CD22: variants seen among roughly 807,000 people sequenced by gnomAD.
CD22 encodes B-cell receptor CD22.
Under a neutral mutation model 94.7 loss-of-function variants are expected in CD22, and 51 were observed. The ratio of observed to expected loss-of-function variants is 0.54; its 90% CI spans 0.43 to 0.68. The LOEUF is 0.68. CD22 is among the 30% of genes least tolerant of loss of function. The pLI, the probability that CD22 is intolerant of heterozygous loss-of-function variation, is 0.00. For synonymous variants in CD22, 424 were observed against 422.5 expected (o/e 1.00, Z -0.04); for missense variants, 931 against 1,060.4 (o/e 0.88, Z 1.69).
At position 35,338,335 on chromosome 19, in the gene CD22, A is replaced by G. The variant is rs142679959; in HGVS notation, c.1153A>G (p.Lys385Glu). Reference sequence around the variant, plus strand: ...GACAGAGGAGAAAGTCCACATCCCAAAGATCCTCCCCTGGCACGCTGGGAC... The same window carrying G: ...GACAGAGGAGAAAGTCCACATCCCAGAGATCCTCCCCTGGCACGCTGGGAC... ...GRTEEKVHIPKILPWHAGTYS... is the reference protein window; with the variant it reads ...GRTEEKVHIPEILPWHAGTYS... Residue 385 changes from lysine to glutamate, a missense_variant, in exon 6 of 14, where the codon AAG (lysine) becomes GAG (glutamate). Physicochemically the swap from Lys to Glu is moderately conservative, Grantham distance 56. Transcript: ENST00000085219. 171 of 1,614,206 alleles carry G rather than the reference A, an allele frequency of 1.1e-4. No individual in the cohort carries two copies. In the East Asian group the frequency reaches 3.7e-3, roughly 35 times the overall value.
chr19:35,330,144 G>A (rs1222082919), intron 1 of CD22, among the ~76,000 whole-genome samples: 1 of 152,148 alleles, frequency 6.6e-6, no homozygotes, highest in Non-Finnish European at 1.5e-5. Flanking sequence ...GGCCAACATG[G>A]TGAAACCCCA....
At position 35,346,245 on chromosome 19, in the gene CD22, G is replaced by T; in HGVS notation, c.2412+10G>T. On this transcript the variant is annotated intron_variant, in intron 13 of 13. Coordinates refer to ENST00000085219, the MANE Select transcript of CD22 (RefSeq NM_001771.4). ...GCACAAGCGCCAAGTGGTAAGGAGG[G>T]TCTCCCCAGGTCTCCCCAGAGGGGC... 6.2e-7 allele frequency: 1 copy of T among 1,602,342 alleles called. No homozygotes were observed. The highest frequency in any genetic ancestry group is 2.2e-5 in the East Asian group (1 of 44,824).
Position 35,332,037 on chromosome 19 carries a change from C to T in CD22, c.-4C>T, listed in dbSNP as rs1463183489. 3 of 1,613,770 alleles carry T rather than the reference C, an allele frequency of 1.9e-6. No homozygotes were observed. Among genetic ancestry groups the T allele is most frequent in the Non-Finnish European group, 2.5e-6 (3 of 1,179,848 alleles). On this transcript the variant is annotated 5_prime_UTR_variant, in exon 2 of 14. Transcript: ENST00000085219. The stretch of plus-strand genomic sequence containing the variant: ...TGCTCAGGCTTGCACCCAGACACGA[C>T]ACCATGCATCTCCTCGGCCCCTGGC...
chr19:35,336,611 G>C (rs568457018), intron 4 of CD22: 2 of 481,950 alleles, frequency 4.1e-6, no homozygotes, highest in African/African-American at 1.9e-5. Context: ...GATTTTTTTC[G>C]CATCATTATC....
chr19:35,333,502 T>C (rs2066675334), intron 3 of CD22, among the ~76,000 whole-genome samples: 2 of 152,218 alleles, frequency 1.3e-5, no homozygotes, highest in South Asian at 2.1e-4. Context: ...GCCTGTGTTA[T>C]AAAAATCATA....
At position 35,341,498 on chromosome 19, in the gene CD22, C is replaced by T; in HGVS notation, c.1663C>T (p.Gln555Ter). ...KNGRLLGKES[Q>*]LNFDSISPED... is the part of the protein sequence containing the mutation. Reference sequence around the variant, plus strand: ...TGGCAGGCTTCTGGGGAAAGAAAGCCAGCTGAATTTTGACTCCATCTCCCC... The same window carrying T: ...TGGCAGGCTTCTGGGGAAAGAAAGCTAGCTGAATTTTGACTCCATCTCCCC... The change falls in exon 8 of 14, where the codon CAG becomes TAG. Residue 555 changes from glutamine to a stop codon, truncating the protein, a stop_gained. Coordinates refer to ENST00000085219, the MANE Select transcript of CD22 (RefSeq NM_001771.4). LOFTEE classifies it high-confidence loss of function. The surrounding 1 kb of genome is among the most constrained non-coding windows in gnomAD (Gnocchi z 4.0). 1 of 1,614,148 alleles carries T rather than the reference C, an allele frequency of 6.2e-7. No homozygotes were observed. The highest frequency in any genetic ancestry group is 8.5e-7 in the Non-Finnish European group (1 of 1,180,010).
intron 4 of CD22, chr19:35,336,552 A>G (rs1599678120): frequency 3.6e-6 from 2 of 558,926 alleles, no homozygotes; most frequent in Admixed American, 3.3e-5. Context: ...AAGCCATGAC[A>G]TGAATTGGGG....
chr19:35,345,172 C>T (rs1166539095), intron 11 of CD22, 46 bp downstream of exon 11: 2 of 1,546,518 alleles, frequency 1.3e-6, no homozygotes, highest in East Asian at 4.5e-5. Flanking sequence ...AATCCCAGCA[C>T]TTTGGGAGGC....
At position 35,343,144 on chromosome 19, in the gene CD22, G is replaced by A. The variant is rs1346289572; in HGVS notation, c.2035+1179G>A. On this transcript the variant is annotated intron_variant, in intron 9 of 13. Coordinates refer to ENST00000085219, the MANE Select transcript of CD22 (RefSeq NM_001771.4). ...AGACAGGGTCTCACCCTGTTGCACA[G>A]GTTGGAGTGCAGTGGCACAATCTCA... Among the ~76,000 whole-genome samples, 3 of 150,516 alleles carry A rather than the reference G, an allele frequency of 2.0e-5. No homozygotes were observed. The East Asian group carries it at 5.8e-4, about 29-fold the overall frequency.
chr19:35,346,787 T>A lies in CD22; in HGVS notation c.*90T>A. 1 of 1,124,912 alleles carries A rather than the reference T, an allele frequency of 8.9e-7. No homozygotes were observed. Among genetic ancestry groups the A allele is most frequent in the Non-Finnish European group, 1.3e-6 (1 of 791,018 alleles). 69.7% of individuals were successfully genotyped at this position (1,124,912 alleles called of 1,614,324 possible). ...CAGACACCGCCACATGGCTTCCTCC[T>A]GCGCGCATGTGCGCACACACACACA... is the stretch of plus-strand genomic sequence containing the variant. On this transcript the variant is annotated 3_prime_UTR_variant, in exon 14 of 14. Transcript: ENST00000085219.
intron 3 of CD22, among the ~76,000 whole-genome samples, chr19:35,333,984 G>A (rs1437917831): frequency 6.6e-6 from 1 of 152,194 alleles, no homozygotes; most frequent in Non-Finnish European, 1.5e-5. Flanking sequence ...CAAAGGCCAG[G>A]TTTGAGCTCC....
At chr19:35,330,854 A>G (rs2066635514) in intron 1 of CD22, 1 of 152,238 alleles carries the variant, frequency 6.6e-6, no homozygotes, top group African/African-American at 2.4e-5. Flanking sequence ...AAAGAAAGAA[A>G]GATGGGCAAC....
chr19:35,341,260 G>A lies in CD22; in HGVS notation c.1508-83G>A, dbSNP rs1032426085. 6.2e-5 allele frequency: 99 copies of A among 1,594,296 alleles called. No homozygotes were observed. The highest frequency in any genetic ancestry group is 1.7e-4 in the Middle Eastern group (1 of 5,946). ...CAGAATTGAGGGACAGGAGCCTGGC[G>A]TCAGGGCCAAGGGGAGGGGAGGCCT... On this transcript the variant is annotated intron_variant, in intron 7 of 13. Transcript: ENST00000085219. The surrounding 1 kb of genome is among the most constrained non-coding windows in gnomAD (Gnocchi z 4.0).
At chr19:35,340,107 G>A (rs1395339158) in intron 6 of CD22, among the ~76,000 whole-genome samples, 2 of 152,142 alleles carry the variant, frequency 1.3e-5, no homozygotes, top group Non-Finnish European at 2.9e-5. Flanking sequence ...AACAGGACAG[G>A]GGTGCCCAAA....
chr19:35,344,183 G>A (rs913849102), intron 9 of CD22, among the ~76,000 whole-genome samples: 6 of 134,474 alleles, frequency 4.5e-5, no homozygotes, highest in East Asian at 2.5e-4. Flanking sequence ...GTGAAAGAGC[G>A]AGACTCTGTC....
rs1290418664 is a variant in CD22 at position 35,345,655 on chromosome 19, A to G, written c.2262A>G (p.Pro754=). Residue 754 remains proline, a synonymous_variant, in exon 12 of 14, where the codon CCA becomes CCG. Transcript: ENST00000085219. ...EGPHSLGCYN[P]MMEDGISYTT... ...CCCACTCCCTGGGATGCTACAATCC[A>G]ATGATGGAAGATGGCATTAGCTACA... 6 of 1,613,798 alleles carry G rather than the reference A, an allele frequency of 3.7e-6. No homozygotes were observed. The highest frequency in any genetic ancestry group is 1.7e-5 in the Admixed American group (1 of 59,992).
chr19:35,341,055 T>C lies in CD22; in HGVS notation c.1424T>C (p.Val475Ala), dbSNP rs766954871. The C allele has an allele frequency of 9.9e-6, 16 of 1,613,962 alleles. No individual in the cohort carries two copies. Among genetic ancestry groups the C allele is most frequent in the East Asian group, 2.2e-5 (1 of 44,880 alleles). ...PSLGVLKIQNVGWDNTTIACA... is the reference protein window; with the variant it reads ...PSLGVLKIQNAGWDNTTIACA... The stretch of plus-strand genomic sequence containing the variant: ...CTTGGGGTGCTGAAGATCCAAAACG[T>C]TGGCTGGGACAACACAACCATCGCC... Residue 475 changes from valine (V) to alanine (A), a missense_variant, in exon 7 of 14, where the codon GTT (valine) becomes GCT (alanine). Val to Ala is a moderately conservative substitution (Grantham distance 64, BLOSUM62 0). Transcript: ENST00000085219. This position sits in a 1 kb window ranked among gnomAD's most constrained non-coding sequence, Gnocchi z 4.0.
intron 3 of CD22, among the ~76,000 whole-genome samples, chr19:35,334,801 G>A (rs2066694726): frequency 6.6e-6 from 1 of 151,626 alleles, no homozygotes; most frequent in Non-Finnish European, 1.5e-5. Flanking sequence ...GGAATAGGCC[G>A]GGCACGGTGG....
At chr19:35,332,219 A>G (rs1421542673) in intron 2 of CD22, 145 bp downstream of exon 2, 3 of 827,872 alleles carry the variant, frequency 3.6e-6, no homozygotes, top group Non-Finnish European at 6.0e-6. Flanking sequence ...ACAAATATAT[A>G]TGTTTCCCAT....
Sources: allele counts gnomAD v4.1 joint callset (sites outside exome capture counted in the v4.1 genomes callset), GRCh38; gene constraint gnomAD v4.1.1; non-coding constraint Gnocchi (gnomAD v3.1); transcripts MANE v1.5; gene names NCBI Gene and HGNC (gene_info 2026-07-23, HGNC 2026-07-21).